Variants in GRM7 observed in about 807,000 individuals in gnomAD.
The protein encoded by GRM7 is glutamate metabotropic receptor 7, also known as metabotropic glutamate receptor 7.
In GRM7, 35 loss-of-function variants were observed where a neutral mutation model predicts 84.5. That is an observed-to-expected ratio of 0.41 (90% CI 0.32 to 0.55). The LOEUF (loss-of-function observed/expected upper bound fraction) is 0.55, where lower values mean the gene tolerates loss of function less well. Ranked by LOEUF, GRM7 falls within the 20% of genes least tolerant of loss-of-function variation. The probability of loss-of-function intolerance (pLI) is 0.19; values close to 1 mark genes in which losing one functional copy is unlikely to be tolerated. For synonymous variants in GRM7, 487 were observed against 455.1 expected (o/e 1.07, Z -0.89); for missense variants, 1,003 against 1,194.6 (o/e 0.84, Z 2.36).
At chr3:7,414,938 G>C in intron 4 of GRM7, 85 bp from the exon 5 acceptor site, 1 of 1,027,648 alleles carries the variant, frequency 9.7e-7, no homozygotes, top group Non-Finnish European at 1.4e-6. Context: ...CTGAAACAAA[G>C]AAAAAAAAAG....
At chr3:7,182,383 T>C (rs1012381454) in intron 2 of GRM7, among the ~76,000 whole-genome samples, 1 of 152,208 alleles carries the variant, frequency 6.6e-6, no homozygotes, top group African/African-American at 2.4e-5. Context: ...CCCTCTGATA[T>C]CTTATGGATA....
At chr3:7,023,409 T>C (rs1376155223) in intron 1 of GRM7, among the ~76,000 whole-genome samples, 2 of 152,162 alleles carry the variant, frequency 1.3e-5, no homozygotes, top group African/African-American at 2.4e-5. Context: ...TGAGGCTTAC[T>C]TCTTAGGGCC....
At chr3:7,452,094 G>C (rs928817733) in intron 5 of GRM7, among the ~76,000 whole-genome samples, 16 of 152,138 alleles carry the variant, frequency 1.1e-4, no homozygotes, top group African/African-American at 3.9e-4. Context: ...TGTGAGAGCT[G>C]GGATTGTGAA....
intron 9 of GRM7, among the ~76,000 whole-genome samples, chr3:7,684,031 A>T (rs1300202972): frequency 6.6e-6 from 1 of 152,250 alleles, no homozygotes; most frequent in Non-Finnish European, 1.5e-5. Context: ...AAAAAGTAAC[A>T]TCATAGACAG....
At chr3:7,059,507 A>G (rs532619111) in intron 1 of GRM7, among the ~76,000 whole-genome samples, 2 of 151,974 alleles carry the variant, frequency 1.3e-5, no homozygotes, top group East Asian at 2.0e-4. Context: ...TTTGATCATT[A>G]TTAGTCTAAA....
chr3:7,504,096 A>C (rs1190678219), intron 7 of GRM7, among the ~76,000 whole-genome samples: 1 of 152,226 alleles, frequency 6.6e-6, no homozygotes, highest in Non-Finnish European at 1.5e-5. Flanking sequence ...AATGTATGAA[A>C]AAAAGTTGAG....
chr3:6,964,400 A>C (rs946036586), intron 1 of GRM7, among the ~76,000 whole-genome samples: 6 of 152,244 alleles, frequency 3.9e-5, no homozygotes, highest in Non-Finnish European at 8.8e-5. Flanking sequence ...TGAGGGCACT[A>C]ATCCCATTCA....
chr3:6,943,820 A>C (rs920574858), intron 1 of GRM7, among the ~76,000 whole-genome samples: 12 of 152,098 alleles, frequency 7.9e-5, no homozygotes, highest in African/African-American at 2.9e-4. Context: ...TTAATGAAAA[A>C]GGTAACTCAG....
intron 4 of GRM7, among the ~76,000 whole-genome samples, chr3:7,413,652 T>A (rs1696037693): frequency 6.6e-6 from 1 of 152,152 alleles, no homozygotes; most frequent in Non-Finnish European, 1.5e-5. Context: ...AACACATGAT[T>A]GTTTTGCTCT....
At chr3:7,039,883 G>A (rs553437857) in intron 1 of GRM7, among the ~76,000 whole-genome samples, 1 of 152,246 alleles carries the variant, frequency 6.6e-6, no homozygotes, top group South Asian at 2.1e-4. Context: ...GTAGGAGCAA[G>A]TATCTAATTT....
chr3:7,476,753 T>C (rs1348014642), intron 7 of GRM7, among the ~76,000 whole-genome samples: 3 of 152,068 alleles, frequency 2.0e-5, no homozygotes, highest in African/African-American at 7.2e-5. Context: ...TCCTCATACC[T>C]CTCTGCCCTT....
At chr3:7,480,118 GT>G (rs1401934827) in intron 7 of GRM7, among the ~76,000 whole-genome samples, 3 of 152,166 alleles carry the variant, frequency 2.0e-5, no homozygotes, top group African/African-American at 7.2e-5. Context: ...CACAGAAGAA[GT>G]GGGGGAGACA....
chr3:7,412,908 A>G (rs1575299362), intron 4 of GRM7, among the ~76,000 whole-genome samples: 2 of 152,154 alleles, frequency 1.3e-5, no homozygotes, highest in East Asian at 3.9e-4. Context: ...TTTAACTAAT[A>G]GTAATGCTAT....
intron 1 of GRM7, among the ~76,000 whole-genome samples, chr3:6,951,677 A>G (rs1237792508): frequency 1.3e-5 from 2 of 152,210 alleles, no homozygotes; most frequent in African/African-American, 2.4e-5. Flanking sequence ...GGTCCAGAAC[A>G]TGCCCTATCT....
chr3:7,461,449 G>GT, intron 6 of GRM7, 134 bp from the exon 7 acceptor site: 1 of 632,482 alleles, frequency 1.6e-6, no homozygotes, highest in Non-Finnish European at 2.7e-6. Flanking sequence ...GGGCCGTTTT[G>GT]GGGGGACCTA....
Position 6,936,220 on chromosome 3 carries a change from G to T in GRM7, c.519+74313G>T, listed in dbSNP as rs933697022. 3.9e-5 allele frequency among the ~76,000 whole-genome samples: 6 copies of T among 152,152 alleles called. No individual in the cohort carries two copies. The East Asian group carries it at 1.2e-3, about 29-fold the overall frequency. On this transcript the variant is annotated intron_variant, in intron 1 of 9. Transcript: ENST00000357716. ...GCAGTGCACACAACTCCCATAGCTG[G>T]CTTCAGCAGTAGAGGGCAGCCAGCA...
At chr3:7,615,643 G>A (rs1697046947) in intron 8 of GRM7, among the ~76,000 whole-genome samples, 1 of 152,004 alleles carries the variant, frequency 6.6e-6, no homozygotes, top group African/African-American at 2.4e-5. Context: ...GTCTTCCTAG[G>A]TTATGGCCCT....
intron 1 of GRM7, among the ~76,000 whole-genome samples, 159 bp from the exon 2 acceptor site, chr3:7,146,293 G>A (rs1390428836): frequency 6.6e-6 from 1 of 152,200 alleles, no homozygotes; most frequent in Non-Finnish European, 1.5e-5. Context: ...GAAGTAGATG[G>A]TTGCATTTAG....
chr3:7,013,582 T>G (rs1324052665), intron 1 of GRM7, among the ~76,000 whole-genome samples: 1 of 152,208 alleles, frequency 6.6e-6, no homozygotes, highest in Admixed American at 6.5e-5. Flanking sequence ...ACATATCTAT[T>G]TCTCCCTTTA....
Sources: gnomAD v4.1 joint callset for allele counts (sites outside exome capture counted in the v4.1 genomes callset) on GRCh38, gnomAD v4.1.1 for gene constraint, MANE v1.5 for transcripts, NCBI Gene and HGNC (gene_info 2026-07-23, HGNC 2026-07-21) for gene names.